DNAH14: variants seen among roughly 807,000 people sequenced by gnomAD.
The protein encoded by DNAH14 is axonemal beta dynein heavy chain 14.
In DNAH14, 478 loss-of-function variants were observed where a neutral mutation model predicts 520.9. The observed-to-expected ratio is 0.92, with a 90% CI of 0.85 to 0.99. The LOEUF is 0.99. Ranked by LOEUF, DNAH14 falls within the 50% of genes least tolerant of loss-of-function variation. The pLI is 0.00. For synonymous variants in DNAH14, 1,581 were observed against 1,757.2 expected (o/e 0.90, Z 2.51); for missense variants, 4,831 against 5,234.5 (o/e 0.92, Z 2.38).
chr1:224,992,438 G>T (rs991634129), intron 8 of DNAH14, among the ~76,000 whole-genome samples: 1 of 151,826 alleles, frequency 6.6e-6, no homozygotes, highest in African/African-American at 2.4e-5. Flanking sequence ...TCACCTCATT[G>T]ATTAAATTTA....
At chr1:225,270,485 A>G (rs2149827245) in intron 49 of DNAH14, among the ~76,000 whole-genome samples, 1 of 152,318 alleles carries the variant, frequency 6.6e-6, no homozygotes, top group African/African-American at 2.4e-5. Context: ...TTTAAAAAAC[A>G]GGACCATTTC....
intron 84 of DNAH14, chr1:225,398,067 A>AC (rs1375730481): frequency 6.7e-6 from 1 of 149,588 alleles, no homozygotes; most frequent in East Asian, 2.0e-4. Flanking sequence ...AAAAAAAAAA[A>AC]AACCCCTCCT....
Position 225,346,338 on chromosome 1 carries a change from T to C in DNAH14, c.11055T>C (p.His3685=). 1 of 1,536,716 alleles carries C rather than the reference T, an allele frequency of 6.5e-7. No individual in the cohort carries two copies. The highest frequency in any genetic ancestry group is 8.7e-7 in the Non-Finnish European group (1 of 1,142,980). Residue 3685 remains histidine (H), a synonymous_variant, in exon 70 of 86, where the codon CAT becomes CAC. Coordinates refer to ENST00000682510, the MANE Select transcript of DNAH14 (RefSeq NM_001367479.1). The part of the protein sequence containing the change: ...LENEKNLLDK[H]IKSAIDMLTK... ...ATGAGAAAAATCTCTTAGATAAGCA[T>C]ATTAAAAGTGCAATAGACATGTTGA...
intron 10 of DNAH14, 71 bp from the exon 11 acceptor site, chr1:225,023,544 C>T: frequency 1.6e-6 from 2 of 1,282,094 alleles, no homozygotes; most frequent in Non-Finnish European, 2.1e-6. Flanking sequence ...ATAAAAAAAA[C>T]TAAACTAGAA....
chr1:225,337,165 T>C, intron 66 of DNAH14, 101 bp from the exon 67 acceptor site: 1 of 981,206 alleles, frequency 1.0e-6, no homozygotes, highest in South Asian at 1.7e-5. Flanking sequence ...TATTTCTTTT[T>C]CTAAAGGCAG....
At chr1:225,214,599 T>A (rs2089003204) in intron 41 of DNAH14, among the ~76,000 whole-genome samples, 1 of 152,234 alleles carries the variant, frequency 6.6e-6, no homozygotes, top group South Asian at 2.1e-4. Context: ...GTTATTGATG[T>A]ATTCAGGGAT....
At chr1:225,249,608 T>C (rs2092455307) in intron 43 of DNAH14, among the ~76,000 whole-genome samples, 1 of 152,166 alleles carries the variant, frequency 6.6e-6, no homozygotes, top group African/African-American at 2.4e-5. Flanking sequence ...ATGAGGTATA[T>C]TTTACACACC....
chr1:225,012,429 T>C (rs2064855119), intron 10 of DNAH14, among the ~76,000 whole-genome samples: 1 of 152,108 alleles, frequency 6.6e-6, no homozygotes, highest in Admixed American at 6.5e-5. Flanking sequence ...TTATATGTCT[T>C]GGGGTTGCTC....
At chr1:225,081,519 G>A (rs1157754789) in intron 19 of DNAH14, among the ~76,000 whole-genome samples, 1 of 152,164 alleles carries the variant, frequency 6.6e-6, no homozygotes, top group Admixed American at 6.5e-5. Context: ...GTAACAACTA[G>A]ACGACACCTT....
intron 55 of DNAH14, among the ~76,000 whole-genome samples, chr1:225,293,002 G>T (rs2093926974): frequency 6.6e-6 from 1 of 152,014 alleles, no homozygotes; most frequent in Admixed American, 6.6e-5. Flanking sequence ...CCATAAAAAA[G>T]TGGGCAAAAG....
chr1:224,999,352 G>A (rs1012792150), intron 8 of DNAH14, among the ~76,000 whole-genome samples: 32 of 151,916 alleles, frequency 2.1e-4, no homozygotes, highest in African/African-American at 6.8e-4. Flanking sequence ...GATTACAGGC[G>A]CACACCACCA....
At chr1:225,164,798 C>T (rs893980501) in intron 35 of DNAH14, among the ~76,000 whole-genome samples, 2 of 152,000 alleles carry the variant, frequency 1.3e-5, no homozygotes, top group African/African-American at 2.4e-5. Context: ...CACACTTCCA[C>T]TCTCATTATG....
At position 225,140,795 on chromosome 1, in the gene DNAH14, G is replaced by A. The variant is rs1173651995; in HGVS notation, c.4282G>A (p.Val1428Ile). ...VSQIMFYNDC[V>I]KSFVSSYSRE... is the part of the protein sequence containing the mutation. Reference sequence around the variant, plus strand: ...CCAGATCATGTTTTATAATGATTGTGTTAAAAGTTTTGTGAGTTCTTATTC... The same window carrying A: ...CCAGATCATGTTTTATAATGATTGTATTAAAAGTTTTGTGAGTTCTTATTC... Residue 1428 changes from valine to isoleucine, a missense_variant, in exon 28 of 86, where the codon GTT becomes ATT. Physicochemically the swap from Val to Ile is conservative, Grantham distance 29. Transcript: ENST00000682510. 1.9e-6 allele frequency: 3 copies of A among 1,547,124 alleles called. No homozygotes were observed. Among genetic ancestry groups the A allele is most frequent in the Admixed American group, 2.0e-5 (1 of 50,970 alleles).
rs369640978 is a variant in DNAH14, at chr1:225,377,346, T to TC, written c.12627dup (p.Arg4210GlnfsTer13). ...GTCTTAGGAATACACCCAGAGGCCA[T>TC]CAGGAGCTGCTGGGAGACCCAGGGC... On this transcript the variant is annotated frameshift_variant, in exon 79 of 86. Coordinates refer to ENST00000682510, the MANE Select transcript of DNAH14 (RefSeq NM_001367479.1). LOFTEE classifies it high-confidence loss of function. 2.5e-4 allele frequency: 394 copies of TC among 1,550,990 alleles called. 1 individual carries two copies. In the African/African-American group the frequency reaches 5.0e-3, roughly 20 times the overall value.
chr1:224,971,228 T>C (rs1183669994), intron 7 of DNAH14, among the ~76,000 whole-genome samples: 1 of 152,222 alleles, frequency 6.6e-6, no homozygotes, highest in Non-Finnish European at 1.5e-5. Context: ...TCTATAATTT[T>C]CTTGTTTCTT....
chr1:225,075,369 T>C (rs1306075365), intron 17 of DNAH14, among the ~76,000 whole-genome samples: 1 of 152,180 alleles, frequency 6.6e-6, no homozygotes, highest in Non-Finnish European at 1.5e-5. Flanking sequence ...AGGTACTGTA[T>C]TTACTCACCC....
At chr1:225,129,316 A>G (rs1248198762) in intron 27 of DNAH14, among the ~76,000 whole-genome samples, 1 of 152,106 alleles carries the variant, frequency 6.6e-6, no homozygotes, top group Non-Finnish European at 1.5e-5. Context: ...GGAAAAAACT[A>G]CTTTAAAGTT....
At chr1:225,132,655 T>C (rs1559059245) in intron 27 of DNAH14, among the ~76,000 whole-genome samples, 1 of 152,214 alleles carries the variant, frequency 6.6e-6, no homozygotes, top group Non-Finnish European at 1.5e-5. Context: ...TCTTTGCTAT[T>C]GTGAATAGTG....
chr1:225,044,537 T>C (rs1212856257), intron 15 of DNAH14, among the ~76,000 whole-genome samples: 1 of 152,156 alleles, frequency 6.6e-6, no homozygotes. Context: ...AGCTGGTGTC[T>C]AATGCATTGT....
Sources: allele counts gnomAD v4.1 joint callset (sites outside exome capture counted in the v4.1 genomes callset), GRCh38; gene constraint gnomAD v4.1.1; transcripts MANE v1.5; gene names NCBI Gene and HGNC (gene_info 2026-07-23, HGNC 2026-07-21).